The following C6orf89 variants were observed in gnomAD, a reference collection of about 807,000 sequenced individuals.
C6orf89 encodes chromosome 6 open reading frame 89.
A neutral mutation model predicts 40.7 loss-of-function variants in C6orf89; 29 were observed. The observed-to-expected ratio is 0.71, with a 90% CI of 0.53 to 0.97. The LOEUF is 0.97. C6orf89 is among the 50% of genes least tolerant of loss of function. The pLI is 0.00. For missense variants in C6orf89, 392 were observed against 429.1 expected (o/e 0.91, Z 0.76); for synonymous variants, 165 against 152.2 (o/e 1.08, Z -0.62).
intron 1 of C6orf89, among the ~76,000 whole-genome samples, chr6:36,893,036 G>A (rs1188571812): frequency 2.6e-5 from 4 of 151,928 alleles, no homozygotes; most frequent in Admixed American, 2.6e-4. Context: ...CTGGGGTCAC[G>A]CCATTCTCCT....
At chr6:36,915,672 C>T (rs1762287849) in intron 6 of C6orf89, among the ~76,000 whole-genome samples, 1 of 151,092 alleles carries the variant, frequency 6.6e-6, no homozygotes, top group Admixed American at 6.6e-5. Flanking sequence ...TACCACTGCA[C>T]TCCAGCCTGG....
chr6:36,915,292 A>AAG (rs919953146), intron 6 of C6orf89, among the ~76,000 whole-genome samples: 1 of 152,196 alleles, frequency 6.6e-6, no homozygotes, highest in Non-Finnish European at 1.5e-5. Context: ...CAGGGGGCTG[A>AAG]AGAGAGAGTG....
intron 7 of C6orf89, among the ~76,000 whole-genome samples, chr6:36,918,936 G>A (rs1347609270): frequency 2.0e-5 from 3 of 152,176 alleles, no homozygotes; most frequent in Non-Finnish European, 2.9e-5. Flanking sequence ...TTCAAAATCA[G>A]AGGCCAGTCT....
chr6:36,886,437 G>T (rs75122617), intron 1 of C6orf89, among the ~76,000 whole-genome samples: 1 of 152,148 alleles, frequency 6.6e-6, no homozygotes, highest in East Asian at 1.9e-4. Flanking sequence ...TCGTTAGGGG[G>T]CAATAATTTT....
chr6:36,874,564 C>A (rs1168118155), intron 1 of C6orf89, among the ~76,000 whole-genome samples: 3 of 152,226 alleles, frequency 2.0e-5, no homozygotes, highest in African/African-American at 7.2e-5. Flanking sequence ...ATGGCGGTCC[C>A]CTCTCAACCC....
rs1761353705 is a variant in C6orf89, at chr6:36,894,591, G to A, written c.-32G>A. 3.0e-6 allele frequency: 3 copies of A among 985,050 alleles called. No individual in the cohort carries two copies. Among genetic ancestry groups the A allele is most frequent in the East Asian group, 1.1e-4 (1 of 8,812 alleles). 61.0% of individuals were successfully genotyped at this position (985,050 alleles called of 1,614,324 possible). On this transcript the variant is annotated 5_prime_UTR_variant, in exon 2 of 9. The change abolishes the stop of an existing upstream ORF in the 5' untranslated region. Coordinates refer to ENST00000480824, the MANE Select transcript of C6orf89 (RefSeq NM_001286635.2). ...GTTTCCGAACTGCCAGCTCAGAATAGGAAAATAACTTGGTAAGGGAGGCAG... is the reference window on the plus strand; with the variant it reads ...GTTTCCGAACTGCCAGCTCAGAATAAGAAAATAACTTGGTAAGGGAGGCAG...
At position 36,911,174 on chromosome 6, in the gene C6orf89, T is replaced by C. The variant is rs903059598; in HGVS notation, c.404-3110T>C. ...TGGAAATCCCAAGAATATCTAAAGC[T>C]CTGAATAAAATTAAAATTAAATAAG... On this transcript the variant is annotated intron_variant, in intron 4 of 8. Transcript: ENST00000480824. 2.6e-5 allele frequency among the ~76,000 whole-genome samples: 4 copies of C among 152,282 alleles called. No homozygotes were observed. The East Asian group carries it at 7.7e-4, about 29-fold the overall frequency.
At position 36,923,478 on chromosome 6, in the gene C6orf89, G is replaced by A. The variant is rs781210982; in HGVS notation, c.*37G>A. The A allele has an allele frequency of 2.0e-5, 31 of 1,518,760 alleles. No homozygotes were observed. The highest frequency in any genetic ancestry group is 1.0e-4 in the Admixed American group (6 of 59,710). 94.1% of individuals were successfully genotyped at this position (1,518,760 alleles called of 1,614,324 possible). On this transcript the variant is annotated 3_prime_UTR_variant, in exon 9 of 9. Transcript: ENST00000480824. ...GTGCACAGGAACAGCTTCCAGAGCC[G>A]AAAACCAGGTTGAAAGGGGAAAAAT...
intron 2 of C6orf89, among the ~76,000 whole-genome samples, 176 bp downstream of exon 2, chr6:36,894,779 C>T (rs934883995): frequency 2.6e-5 from 4 of 152,098 alleles, no homozygotes; most frequent in Middle Eastern, 3.2e-3. Context: ...TAGCAAGGCA[C>T]CTGGCATATA....
chr6:36,882,089 T>C (rs1053580276), upstream of C6orf89, among the ~76,000 whole-genome samples: 5 of 151,970 alleles, frequency 3.3e-5, no homozygotes, highest in Non-Finnish European at 7.4e-5. Context: ...AGAAAGGAGA[T>C]AGTCAGTTGG....
upstream of C6orf89, among the ~76,000 whole-genome samples, chr6:36,885,044 A>G (rs187661637): frequency 1.4e-4 from 21 of 152,370 alleles, no homozygotes; most frequent in African/African-American, 4.6e-4. Flanking sequence ...AAATTGAGAA[A>G]ATGACCAAAA....
rs371623018 is a variant in C6orf89 at position 36,914,711 on chromosome 6, C to T, written c.695+18C>T. 1.8e-5 allele frequency: 29 copies of T among 1,609,864 alleles called. No individual in the cohort carries two copies. Among genetic ancestry groups the T allele is most frequent in the Non-Finnish European group, 2.3e-5 (27 of 1,176,628 alleles). On this transcript the variant is annotated intron_variant, in intron 6 of 8. Transcript: ENST00000480824. ...TATCCATGGTGAGTGTGAAAAGGGC[C>T]GGGCACAGTGGCTCATGCCTGTGAT... is the stretch of plus-strand genomic sequence containing the variant.
chr6:36,896,188 A>G (rs1435198451), intron 2 of C6orf89, among the ~76,000 whole-genome samples: 1 of 152,030 alleles, frequency 6.6e-6, no homozygotes, highest in East Asian at 1.9e-4. Context: ...GCTCATTGCA[A>G]CCTCTGCCTC....
At chr6:36,874,765 G>T (rs201439954) in intron 1 of C6orf89, 1 of 1,614,076 alleles carries the variant, frequency 6.2e-7, no homozygotes, top group Non-Finnish European at 8.5e-7. Flanking sequence ...TGGGGGAATT[G>T]CCGCCATAGC....
At position 36,889,833 on chromosome 6, in the gene C6orf89, G is replaced by A. The variant is rs544260526; in HGVS notation, c.-120+3805G>A. Among the ~76,000 whole-genome samples the A allele has an allele frequency of 1.1e-3, 173 of 152,290 alleles. 3 individuals are homozygous for A. Among genetic ancestry groups the A allele is most frequent in the Non-Finnish European group, 1.6e-3 (110 of 68,022 alleles). Reference sequence around the variant, plus strand: ...CAATGGTTGTGTGTAGAATAACGTCGTTATTCTTAGGAGATGCATGTTGAA... The same window carrying A: ...CAATGGTTGTGTGTAGAATAACGTCATTATTCTTAGGAGATGCATGTTGAA... On this transcript the variant is annotated intron_variant, in intron 1 of 8. Transcript: ENST00000480824.
In C6orf89 at chr6:36,902,362, A is replaced by T. The variant is rs138148342; in HGVS notation, c.331A>T (p.Ile111Phe). 192 of 1,614,084 alleles carry T rather than the reference A, an allele frequency of 1.2e-4. No individual in the cohort carries two copies. The highest frequency in any genetic ancestry group is 1.5e-4 in the Non-Finnish European group (181 of 1,180,050). ...IHHIRLMSLP[I>F]AKKYMSENKG... ...TCACATTAGGCTGATGTCCTTGCCC[A>T]TTGCCAAGAAGTACATGTCAGAAAA... Residue 111 changes from isoleucine (I) to phenylalanine (F), a missense_variant, in exon 4 of 9, where the codon ATT becomes TTT. Coordinates refer to ENST00000480824, the MANE Select transcript of C6orf89 (RefSeq NM_001286635.2).
At chr6:36,886,579 C>T (rs1054867287) in intron 1 of C6orf89, among the ~76,000 whole-genome samples, 1 of 152,172 alleles carries the variant, frequency 6.6e-6, no homozygotes, top group Non-Finnish European at 1.5e-5. Context: ...AATTTGCCTG[C>T]GTCGTGTTTT....
At chr6:36,879,315 G>A (rs1774739805) in intron 2 of C6orf89, among the ~76,000 whole-genome samples, 1 of 152,202 alleles carries the variant, frequency 6.6e-6, no homozygotes, top group Non-Finnish European at 1.5e-5. Context: ...TAAGCAGAGT[G>A]GCTAATGTCT....
intron 3 of C6orf89, among the ~76,000 whole-genome samples, chr6:36,901,810 A>G (rs980078400): frequency 2.6e-5 from 4 of 151,610 alleles, no homozygotes; most frequent in Non-Finnish European, 4.4e-5. Context: ...AGCTGGGACT[A>G]CAGGCGCCCA....
Sources: gnomAD v4.1 joint callset for allele counts (sites outside exome capture counted in the v4.1 genomes callset) on GRCh38, gnomAD v4.1.1 for gene constraint, MANE v1.5 for transcripts, NCBI Gene and HGNC (gene_info 2026-07-23, HGNC 2026-07-21) for gene names.